The following TXNRD1 variants were observed in gnomAD, a reference collection of about 807,000 sequenced individuals.
TXNRD1 encodes thioredoxin reductase 1, cytoplasmic.
Under a neutral mutation model 80.3 loss-of-function variants are expected in TXNRD1, and 57 were observed. The ratio of observed to expected loss-of-function variants is 0.71; its 90% confidence interval spans 0.57 to 0.89. TXNRD1 has a LOEUF of 0.89. Among genes scored for constraint, TXNRD1 ranks in the 40% least tolerant of loss-of-function variants. TXNRD1 has a pLI of 0.00. For synonymous variants in TXNRD1, 291 were observed against 285.2 expected (o/e 1.02, Z -0.20); for missense variants, 730 against 803.0 (o/e 0.91, Z 1.10).
chr12:104,295,983 C>T (rs571514754), intron 4 of TXNRD1, among the ~76,000 whole-genome samples: 2 of 152,266 alleles, frequency 1.3e-5, no homozygotes, highest in South Asian at 4.2e-4. Context: ...GATTAAATCC[C>T]CACAACAGTC....
At chr12:104,261,665 C>G (rs1309000396) in intron 3 of TXNRD1, among the ~76,000 whole-genome samples, 2 of 152,048 alleles carry the variant, frequency 1.3e-5, no homozygotes, top group Admixed American at 6.5e-5. Context: ...CAAATTAATC[C>G]AGAAGCAAAT....
At chr12:104,278,274 C>T (rs1378715517) in intron 3 of TXNRD1, among the ~76,000 whole-genome samples, 1 of 146,596 alleles carries the variant, frequency 6.8e-6, no homozygotes, top group Non-Finnish European at 1.5e-5. Flanking sequence ...GATCTCGGCT[C>T]ACTGCAAGCT....
At chr12:104,232,807 A>G (rs1565854718) in intron 1 of TXNRD1, among the ~76,000 whole-genome samples, 1 of 152,230 alleles carries the variant, frequency 6.6e-6, no homozygotes, top group Non-Finnish European at 1.5e-5. Context: ...ACTTTTCTGC[A>G]GAAAAGATGC....
In TXNRD1 at chr12:104,274,287, C is replaced by T. The variant is rs570187566; in HGVS notation, c.305-14644C>T. Among the ~76,000 whole-genome samples, 12 of 152,250 alleles carry T rather than the reference C, an allele frequency of 7.9e-5. No homozygotes were observed. In the East Asian group the frequency reaches 2.1e-3, roughly 27 times the overall value. ...TGAAGTGACCATAGCTTTCCATTAA[C>T]GACTGGTAGCCATCAACTGTCTCGG... On this transcript the variant is annotated intron_variant, in intron 3 of 16. Transcript: ENST00000525566.
chr12:104,271,440 G>T (rs1481791718), intron 3 of TXNRD1, among the ~76,000 whole-genome samples: 1 of 152,078 alleles, frequency 6.6e-6, no homozygotes, highest in African/African-American at 2.4e-5. Flanking sequence ...GCCTCCCAAA[G>T]TGCTGGGATT....
intron 1 of TXNRD1, among the ~76,000 whole-genome samples, chr12:104,247,256 C>T (rs2033014801): frequency 6.6e-6 from 1 of 151,972 alleles, no homozygotes; most frequent in Non-Finnish European, 1.5e-5. Context: ...TTCATTGTGA[C>T]AGGGTTTCAC....
At chr12:104,237,478 A>G (rs2032763929) in intron 1 of TXNRD1, among the ~76,000 whole-genome samples, 1 of 152,204 alleles carries the variant, frequency 6.6e-6, no homozygotes, top group Non-Finnish European at 1.5e-5. Context: ...AAAATCCAGT[A>G]TAAAATGGCA....
chr12:104,269,660 C>T (rs984604640), intron 3 of TXNRD1, among the ~76,000 whole-genome samples: 7 of 151,880 alleles, frequency 4.6e-5, no homozygotes, highest in South Asian at 4.2e-4. Context: ...CTCTGCCTCC[C>T]AGGTTCAAGC....
intron 3 of TXNRD1, among the ~76,000 whole-genome samples, chr12:104,284,093 G>C (rs931343548): frequency 6.6e-6 from 1 of 152,188 alleles, no homozygotes; most frequent in African/African-American, 2.4e-5. Flanking sequence ...ATGAGCTAAT[G>C]CAAGGTGTAG....
intron 9 of TXNRD1, among the ~76,000 whole-genome samples, chr12:104,320,139 G>A (rs1471515933): frequency 6.6e-6 from 1 of 152,224 alleles, no homozygotes; most frequent in African/African-American, 2.4e-5. Context: ...GTTTTGCTGT[G>A]TGGTTTATTT....
intron 1 of TXNRD1, among the ~76,000 whole-genome samples, chr12:104,221,518 A>G (rs1365062633): frequency 1.3e-5 from 2 of 151,978 alleles, no homozygotes; most frequent in African/African-American, 4.8e-5. Context: ...GGGTTTCTCC[A>G]TGTTGGTCAG....
At chr12:104,294,244 C>G (rs899158566) in intron 4 of TXNRD1, among the ~76,000 whole-genome samples, 2 of 126,162 alleles carry the variant, frequency 1.6e-5, no homozygotes, top group Admixed American at 7.9e-5. Context: ...CCCCCCCCCC[C>G]GCCGCCGGCT....
At chr12:104,265,903 A>G in intron 3 of TXNRD1, 1 of 944,972 alleles carries the variant, frequency 1.1e-6, no homozygotes, top group Non-Finnish European at 1.6e-6. Flanking sequence ...GAAAAAAAAA[A>G]AAAAAAAAAG....
At chr12:104,336,657 G>A (rs972520061) in intron 15 of TXNRD1, among the ~76,000 whole-genome samples, 2 of 152,028 alleles carry the variant, frequency 1.3e-5, no homozygotes, top group Non-Finnish European at 2.9e-5. Context: ...ATTTGTTTCA[G>A]GGCTTTTTTC....
At chr12:104,328,817 G>A (rs1003382304) in intron 13 of TXNRD1, among the ~76,000 whole-genome samples, 1 of 149,654 alleles carries the variant, frequency 6.7e-6, no homozygotes, top group East Asian at 2.0e-4. Context: ...TATGTTAAAT[G>A]TTATATTGAA....
At chr12:104,256,975 T>C (rs928903064) in intron 2 of TXNRD1, among the ~76,000 whole-genome samples, 15 of 132,758 alleles carry the variant, frequency 1.1e-4, no homozygotes, top group African/African-American at 3.0e-4. Context: ...TATTTTCTTT[T>C]CTTTTTTTTT....
rs188819714 is a variant in TXNRD1, at chr12:104,241,527, C to T, written c.92-10000C>T. Among the ~76,000 whole-genome samples the T allele has an allele frequency of 2.4e-3, 367 of 151,992 alleles. 1 individual carries two copies. Among genetic ancestry groups the T allele is most frequent in the Non-Finnish European group, 4.1e-3 (277 of 68,002 alleles). On this transcript the variant is annotated intron_variant, in intron 1 of 16. Transcript: ENST00000525566. ...CTGGGATTATAGGCATGTGCCACCA[C>T]GACCGGCTAATTTTGTATTTTTAGT...
At chr12:104,225,364 C>T (rs12812451) in intron 1 of TXNRD1, among the ~76,000 whole-genome samples, 19,469 of 152,172 alleles carry the variant, frequency 0.13, 1,349 homozygotes, top group Middle Eastern at 0.22. Context: ...TGTACTTAAC[C>T]ACTGTGCTCT....
chr12:104,227,000 T>A (rs1204191153), intron 1 of TXNRD1, among the ~76,000 whole-genome samples: 1 of 152,124 alleles, frequency 6.6e-6, no homozygotes, highest in Non-Finnish European at 1.5e-5. Context: ...ATAAATATGT[T>A]AAGACCCAAA....
Sources: allele counts gnomAD v4.1 joint callset (sites outside exome capture counted in the v4.1 genomes callset), GRCh38; gene constraint gnomAD v4.1.1; transcripts MANE v1.5; gene names NCBI Gene and HGNC (gene_info 2026-07-23, HGNC 2026-07-21).